The following PIWIL2 variants were observed in gnomAD, a reference collection of about 807,000 sequenced individuals.
PIWIL2 encodes the protein piwi like RNA-mediated gene silencing 2, also known as piwi-like protein 2.
PIWIL2 carries 81 observed loss-of-function variants against 116.5 expected under a neutral mutation model. The observed-to-expected ratio is 0.70, with a 90% CI of 0.58 to 0.84. The LOEUF (loss-of-function observed/expected upper bound fraction) is 0.84, where lower values mean the gene tolerates loss of function less well. PIWIL2 is among the 40% of genes least tolerant of loss of function. The pLI is 0.00. For missense variants in PIWIL2, 1,272 were observed against 1,212.3 expected (o/e 1.05, Z -0.73); for synonymous variants, 489 against 429.5 (o/e 1.14, Z -1.71).
chr8:22,350,082 T>C (rs1031098956), intron 20 of PIWIL2, among the ~76,000 whole-genome samples: 10 of 152,160 alleles, frequency 6.6e-5, no homozygotes, highest in African/African-American at 2.2e-4. Flanking sequence ...CGGATGATGC[T>C]AAATGTAGAT....
At chr8:22,310,618 GT>G (rs200783145) in intron 15 of PIWIL2, among the ~76,000 whole-genome samples, 11 of 149,670 alleles carry the variant, frequency 7.3e-5, no homozygotes, top group Admixed American at 1.4e-4. Context: ...AACTTGATGA[GT>G]TTTTTTTTAA....
chr8:22,316,912 C>T (rs1831473733), intron 19 of PIWIL2, among the ~76,000 whole-genome samples: 1 of 151,920 alleles, frequency 6.6e-6, no homozygotes, highest in Non-Finnish European at 1.5e-5. Flanking sequence ...CCTCAGCCTC[C>T]CGAGTAGCTG....
intron 16 of PIWIL2, among the ~76,000 whole-genome samples, chr8:22,313,567 G>T (rs766804279): frequency 1.3e-5 from 2 of 152,190 alleles, no homozygotes; most frequent in East Asian, 3.8e-4. Flanking sequence ...GCTTGGTGTC[G>T]TTGCTCAATG....
At chr8:22,286,282 C>T (rs571653843) in intron 6 of PIWIL2, among the ~76,000 whole-genome samples, 2 of 152,296 alleles carry the variant, frequency 1.3e-5, no homozygotes, top group Admixed American at 1.3e-4. Flanking sequence ...GAGAAGTAGC[C>T]ACTGACTTGG....
chr8:22,325,169 C>T (rs764877877), intron 20 of PIWIL2, among the ~76,000 whole-genome samples: 1 of 152,110 alleles, frequency 6.6e-6, no homozygotes, highest in Non-Finnish European at 1.5e-5. Context: ...CACATCCTGC[C>T]CCCAGGGAAG....
chr8:22,334,950 G>A (rs1333278204), intron 20 of PIWIL2, among the ~76,000 whole-genome samples: 1 of 151,714 alleles, frequency 6.6e-6, no homozygotes. Flanking sequence ...AGCTACTCAG[G>A]AGGCTGAGGC....
intron 20 of PIWIL2, among the ~76,000 whole-genome samples, chr8:22,346,448 G>A (rs1346386976): frequency 1.3e-5 from 2 of 152,058 alleles, no homozygotes; most frequent in African/African-American, 4.8e-5. Flanking sequence ...TAAGGCCTTC[G>A]CAAACTACAT....
In PIWIL2 at chr8:22,299,499, C is replaced by T. The variant is rs556725020; in HGVS notation, c.1182-4522C>T. Among the ~76,000 whole-genome samples, 7 of 152,086 alleles carry T rather than the reference C, an allele frequency of 4.6e-5. No homozygotes were observed. In the East Asian group the frequency reaches 9.6e-4, roughly 21 times the overall value. ...CTGGGATTGCAAGCGTGAGCCACCG[C>T]GCCCAGTCAATGATCTTTTTTCTTA... On this transcript the variant is annotated intron_variant, in intron 10 of 22. Coordinates refer to ENST00000356766, the MANE Select transcript of PIWIL2 (RefSeq NM_018068.5).
At chr8:22,302,730 G>A (rs999560271) in intron 10 of PIWIL2, among the ~76,000 whole-genome samples, 1 of 149,460 alleles carries the variant, frequency 6.7e-6, no homozygotes, top group African/African-American at 2.5e-5. Flanking sequence ...TGTGTAGATT[G>A]AAGAATGCTT....
Position 22,304,204 on chromosome 8 carries a change from C to T in PIWIL2, c.1365C>T (p.Tyr455=), listed in dbSNP as rs375202795. 17 of 1,609,940 alleles carry T rather than the reference C, an allele frequency of 1.1e-5. No individual in the cohort carries two copies. The highest frequency in any genetic ancestry group is 1.4e-5 in the Non-Finnish European group (16 of 1,176,880). The change falls in exon 11 of 23, where the codon TAC becomes TAT. Residue 455 remains tyrosine, a synonymous_variant. Transcript: ENST00000356766. ...GGAAAGAGATCACATTCTTGGAATA[C>T]TACAGGTAGCAAGAAGAGACTGGGT... is the stretch of plus-strand genomic sequence containing the variant. The part of the protein sequence containing the change: ...SDGKEITFLE[Y]YSKNYGITVK...
chr8:22,317,269 G>C (rs78622488), intron 19 of PIWIL2, among the ~76,000 whole-genome samples: 7,534 of 152,186 alleles, frequency 0.05, 288 homozygotes, highest in Admixed American at 0.086. Context: ...AATTGAGAAA[G>C]TGAGAATTCC....
At chr8:22,275,829 G>C (rs767158790) in intron 1 of PIWIL2, 1 of 152,366 alleles carries the variant, frequency 6.6e-6, no homozygotes, top group African/African-American at 2.4e-5. Flanking sequence ...GGCAGGCCCA[G>C]CCCGTCCTGG....
chr8:22,330,741 T>TAAAA lies in PIWIL2; in HGVS notation c.2403+12468_2403+12471dup, dbSNP rs1040354282. ...ATAAATAAATAAATAAATAAATAAATAAAAATAGTTGATATAAAGACTGTC... is the reference window on the plus strand; with the variant it reads ...ATAAATAAATAAATAAATAAATAAATAAAAAAAAATAGTTGATATAAAGACTGTC... On this transcript the variant is annotated intron_variant, in intron 20 of 22. Transcript: ENST00000356766. Among the ~76,000 whole-genome samples the TAAAA allele has an allele frequency of 5.7e-3, 801 of 140,550 alleles. 9 individuals carry two copies. Among genetic ancestry groups the TAAAA allele is most frequent in the Admixed American group, 0.016 (228 of 14,368 alleles). The allele number at this position is 140,550 out of a possible 152,430, so 92.2% of individuals were successfully genotyped here.
intron 6 of PIWIL2, among the ~76,000 whole-genome samples, chr8:22,285,842 G>A (rs1048330442): frequency 2.0e-5 from 3 of 151,802 alleles, no homozygotes; most frequent in African/African-American, 7.3e-5. Flanking sequence ...TCGGGGTTTT[G>A]CCATGTCGAC....
intron 10 of PIWIL2, among the ~76,000 whole-genome samples, chr8:22,301,953 T>C (rs2132025875): frequency 6.6e-6 from 1 of 152,296 alleles, no homozygotes; most frequent in African/African-American, 2.4e-5. Flanking sequence ...CATTCTCATG[T>C]AATTTAAGGC....
intron 20 of PIWIL2, among the ~76,000 whole-genome samples, chr8:22,341,900 A>G (rs1586594806): frequency 6.6e-6 from 1 of 151,930 alleles, no homozygotes; most frequent in African/African-American, 2.4e-5. Context: ...GAAACCAACA[A>G]CAAAAAACCC....
chr8:22,352,720 C>T (rs1167006393), intron 20 of PIWIL2: 3 of 454,392 alleles, frequency 6.6e-6, no homozygotes, highest in East Asian at 3.1e-5. Flanking sequence ...TCATAACTTG[C>T]ATGTTTTGCT....
chr8:22,282,951 G>A (rs1261076597), intron 4 of PIWIL2, 83 bp from the exon 5 acceptor site: 9 of 1,069,382 alleles, frequency 8.4e-6, no homozygotes, highest in African/African-American at 1.6e-5. Context: ...CCTCCAGGAA[G>A]AGATTGTGGA....
Position 22,280,830 on chromosome 8 carries a change from C to T in PIWIL2, c.199-290C>T, listed in dbSNP as rs534013322. ...TCAAAATGGAAAAATTAACTCTGTT[C>T]TGTTGCATTTTGTTATACTGTTTAT... is the stretch of plus-strand genomic sequence containing the variant. On this transcript the variant is annotated intron_variant, in intron 2 of 22. Transcript: ENST00000356766. Among the ~76,000 whole-genome samples, 262 of 152,164 alleles carry T rather than the reference C, an allele frequency of 1.7e-3. 2 individuals are homozygous for T. The highest frequency in any genetic ancestry group is 3.3e-3 in the Non-Finnish European group (222 of 67,996).
Sources: allele counts gnomAD v4.1 joint callset (sites outside exome capture counted in the v4.1 genomes callset), GRCh38; gene constraint gnomAD v4.1.1; transcripts MANE v1.5; gene names NCBI Gene and HGNC (gene_info 2026-07-23, HGNC 2026-07-21).